The following GRIN3B variants were observed in gnomAD, a reference collection of about 807,000 sequenced individuals.
GRIN3B encodes the protein glutamate ionotropic receptor NMDA type subunit 3B, also known as glutamate receptor ionotropic, NMDA 3B.
A neutral mutation model predicts 66.0 loss-of-function variants in GRIN3B; 77 were observed. That is an observed-to-expected ratio of 1.17 (90% CI 0.97 to 1.41). The LOEUF (loss-of-function observed/expected upper bound fraction) is 1.41, where lower values mean the gene tolerates loss of function less well. GRIN3B is among the 40% of genes most tolerant of loss of function. The pLI, the probability that GRIN3B is intolerant of heterozygous loss-of-function variation, is 0.00. For synonymous variants in GRIN3B, 823 were observed against 749.7 expected (o/e 1.10, Z -1.60); for missense variants, 1,787 against 1,564.5 (o/e 1.14, Z -2.40).
chr19:1,009,035 C>T lies in GRIN3B; in HGVS notation c.2702+108C>T, dbSNP rs1189085866. On this transcript the variant is annotated intron_variant, in intron 8 of 8. Coordinates refer to ENST00000234389, the MANE Select transcript of GRIN3B (RefSeq NM_138690.3). ...GTGCAGGAGGTTCCCGGAGGTCCCC[C>T]GCCCACCCCCGGACGTGCACACCGT... 9 of 1,467,820 alleles carry T rather than the reference C, an allele frequency of 6.1e-6. No individual in the cohort carries two copies. In the East Asian group the frequency reaches 1.7e-4, roughly 28 times the overall value. 90.9% of individuals were successfully genotyped at this position (1,467,820 alleles called of 1,614,324 possible). A position where few individuals can be genotyped will look rare whatever the true frequency, so the allele number is the denominator to read the frequency against.
Position 1,004,507 on chromosome 19 carries a change from C to A in GRIN3B, c.1020-14C>A. The A allele has an allele frequency of 5.8e-6, 9 of 1,564,612 alleles. No homozygotes were observed. Among genetic ancestry groups the A allele is most frequent in the African/African-American group, 1.4e-5 (1 of 73,656 alleles). ...GAACTTCGACACCTGACACCCCCCC[C>A]GCCCTGCCCCTAGGTTCCTGGCCAA... On this transcript the variant is annotated splice_polypyrimidine_tract_variant and intron_variant, in intron 2 of 8. Coordinates refer to ENST00000234389, the MANE Select transcript of GRIN3B (RefSeq NM_138690.3).
chr19:1,000,901 G>A, intron 1 of GRIN3B, 38 bp downstream of exon 1: 2 of 1,349,454 alleles, frequency 1.5e-6, no homozygotes, highest in African/African-American at 1.5e-5. Context: ...AGGGGGACCC[G>A]GGGCGGGAGC....
rs933456556 is a variant in GRIN3B at position 1,005,799 on chromosome 19, G to C, written c.2052+246G>C. 6.6e-6 allele frequency among the ~76,000 whole-genome samples: 1 copy of C among 152,034 alleles called. No homozygotes were observed. The highest frequency in any genetic ancestry group is 2.4e-5 in the African/African-American group (1 of 41,414). On this transcript the variant is annotated intron_variant, in intron 3 of 8. Transcript: ENST00000234389. The surrounding 1 kb of genome is among the most constrained non-coding windows in gnomAD (Gnocchi z 5.2). ...CAGATCACCTGAAGTCAGGAGTCTCGAACTGGAGCCTGGCCAACATGGTGA... is the reference window on the plus strand; with the variant it reads ...CAGATCACCTGAAGTCAGGAGTCTCCAACTGGAGCCTGGCCAACATGGTGA...
At chr19:1,001,656 C>T (rs552310680) in intron 1 of GRIN3B, among the ~76,000 whole-genome samples, 1 of 151,950 alleles carries the variant, frequency 6.6e-6, no homozygotes, top group Non-Finnish European at 1.5e-5. Context: ...CCCCAGCTGC[C>T]CCTCCTTCCC....
chr19:1,004,932 C>G lies in GRIN3B; in HGVS notation c.1431C>G (p.Tyr477Ter). The G allele has an allele frequency of 6.2e-7, 1 of 1,612,130 alleles. No homozygotes were observed. The highest frequency in any genetic ancestry group is 8.5e-7 in the Non-Finnish European group (1 of 1,179,546). The change falls in exon 3 of 9, where the codon TAC (tyrosine) becomes TAG (stop). Residue 477 changes from tyrosine (Y) to a stop codon, truncating the protein, a stop_gained. Coordinates refer to ENST00000234389, the MANE Select transcript of GRIN3B (RefSeq NM_138690.3). LOFTEE classifies it high-confidence loss of function. ...SAPRALRKCC[Y>*]GYCIDLLERL... ...CCCGTGCCCTGCGCAAGTGCTGCTA[C>G]GGCTACTGCATTGACCTGCTGGAGC...
chr19:1,005,585 T>G lies in GRIN3B; in HGVS notation c.2052+32T>G, dbSNP rs775448846. ...GGCCTCGGGGGGCTGCGGGTGGCCTTGGGGGGCTAGCGGTGGCCCCGGGCT... is the reference window on the plus strand; with the variant it reads ...GGCCTCGGGGGGCTGCGGGTGGCCTGGGGGGGCTAGCGGTGGCCCCGGGCT... On this transcript the variant is annotated intron_variant, in intron 3 of 8. Coordinates refer to ENST00000234389, the MANE Select transcript of GRIN3B (RefSeq NM_138690.3). This position sits in a 1 kb window ranked among gnomAD's most constrained non-coding sequence, Gnocchi z 5.2. 34 of 1,510,480 alleles carry G rather than the reference T, an allele frequency of 2.3e-5. No homozygotes were observed. The African/African-American group carries it at 4.4e-4, about 20-fold the overall frequency. 93.6% of individuals were successfully genotyped at this position (1,510,480 alleles called of 1,614,324 possible).
Position 1,009,683 on chromosome 19 carries a change from A to T in GRIN3B, c.*81A>T, listed in dbSNP as rs2038830164. On this transcript the variant is annotated 3_prime_UTR_variant, in exon 9 of 9. Transcript: ENST00000234389. ...TCAACAGACAGTTTATTCTATATAC[A>T]AACACAATTTTGTACACTGCAATTA... 4.3e-6 allele frequency: 5 copies of T among 1,160,260 alleles called. 1 individual carries two copies. The South Asian group carries it at 1.0e-4, about 24-fold the overall frequency. 71.9% of individuals were successfully genotyped at this position (1,160,260 alleles called of 1,614,324 possible). A position where few individuals can be genotyped will look rare whatever the true frequency, so the allele number is the denominator to read the frequency against.
Position 1,003,704 on chromosome 19 carries a change from C to A in GRIN3B, c.1001C>A (p.Pro334Gln). 2.9e-6 allele frequency: 4 copies of A among 1,402,948 alleles called. No individual in the cohort carries two copies. In the South Asian group the frequency reaches 4.6e-5, roughly 16 times the overall value. The allele number at this position is 1,402,948 out of a possible 1,614,324, so 86.9% of individuals were successfully genotyped here. A position where few individuals can be genotyped will look rare whatever the true frequency, so the allele number is the denominator to read the frequency against. Residue 334 changes from proline to glutamine, a missense_variant, in exon 2 of 9, where the codon CCG becomes CAG. Transcript: ENST00000234389. ...CTGCAGCCGGCCGGGCCCGAGTCCC[C>A]GGGGCGCTTCTTGGCACGGTGAGTG... The part of the protein sequence containing the change: ...GDLQPAGPES[P>Q]GRFLARFLAN...
In GRIN3B at chr19:1,007,174, TC is replaced by T. The variant is rs1424835374; in HGVS notation, c.2053-453del. Among the ~76,000 whole-genome samples the T allele has an allele frequency of 6.6e-6, 1 of 152,058 alleles. No homozygotes were observed. Among genetic ancestry groups the T allele is most frequent in the East Asian group, 1.9e-4 (1 of 5,192 alleles). On this transcript the variant is annotated intron_variant, in intron 3 of 8. Transcript: ENST00000234389. This position sits in a 1 kb window ranked among gnomAD's most constrained non-coding sequence, Gnocchi z 4.4. ...TTGCAGGTGGCGCCCCCCAGGGTTT[TC>T]GGGAGAAACAGGGTGTCAGAGGCAG...
At chr19:1,002,733 G>A (rs564086567) in intron 1 of GRIN3B, 263 of 172,880 alleles carry the variant, frequency 1.5e-3, no homozygotes, top group African/African-American at 6.0e-3. Flanking sequence ...GGCTGGAGGC[G>A]TTCCAAGCTG....
chr19:1,008,389 C>A, intron 6 of GRIN3B, 98 bp downstream of exon 6: 2 of 1,208,896 alleles, frequency 1.7e-6, no homozygotes, highest in Non-Finnish European at 2.3e-6. Flanking sequence ...ATTCCCCAGA[C>A]GTGCGTTTGT....
Position 1,007,537 on chromosome 19 carries a change from C to G in GRIN3B, c.2053-91C>G. 1 of 1,332,230 alleles carries G rather than the reference C, an allele frequency of 7.5e-7. No homozygotes were observed. The highest frequency in any genetic ancestry group is 9.6e-7 in the Non-Finnish European group (1 of 1,039,944). 82.5% of individuals were successfully genotyped at this position (1,332,230 alleles called of 1,614,324 possible). A position where few individuals can be genotyped will look rare whatever the true frequency, so the allele number is the denominator to read the frequency against. On this transcript the variant is annotated intron_variant, in intron 3 of 8. Coordinates refer to ENST00000234389, the MANE Select transcript of GRIN3B (RefSeq NM_138690.3). The surrounding 1 kb of genome is among the most constrained non-coding windows in gnomAD (Gnocchi z 4.4). ...TGCAGCCTCGGCGCCCTGCAGTGCC[C>G]AGGACGGCCCCACCCCGGAGAACGG...
intron 5 of GRIN3B, 78 bp downstream of exon 5, chr19:1,008,049 C>T (rs2038777198): frequency 3.2e-6 from 5 of 1,578,058 alleles, no homozygotes; most frequent in East Asian, 4.6e-5. Flanking sequence ...ACGGAGGGTT[C>T]GAGGTGGGAA....
chr19:1,003,824 C>T (rs148285135), intron 2 of GRIN3B, 102 bp downstream of exon 2: 10,593 of 900,764 alleles, frequency 0.012, 87 homozygotes, highest in Non-Finnish European at 0.014. Context: ...CGGTGGCTCA[C>T]GCCTGTAATC....
Position 1,008,073 on chromosome 19 carries a change from A to G in GRIN3B, c.2315-67A>G. On this transcript the variant is annotated intron_variant, in intron 5 of 8. Transcript: ENST00000234389. ...TCGAGGTGGGAAGGGGCGAAATCCC[A>G]CGTGTGCGGGCAGAGTTCCCCTGGG... 10 of 1,565,534 alleles carry G rather than the reference A, an allele frequency of 6.4e-6. No individual in the cohort carries two copies. The South Asian group carries it at 1.1e-4, about 18-fold the overall frequency.
chr19:1,009,067 C>G, intron 8 of GRIN3B, 106 bp from the exon 9 acceptor site: 1 of 1,446,882 alleles, frequency 6.9e-7, no homozygotes, highest in Non-Finnish European at 9.2e-7. Flanking sequence ...CCGTGGCTCC[C>G]TGGTTGTGCC....
At position 1,004,881 on chromosome 19, in the gene GRIN3B, C is replaced by T. The variant is rs76859376; in HGVS notation, c.1380C>T (p.Phe460=). 46 of 1,606,166 alleles carry T rather than the reference C, an allele frequency of 2.9e-5. 1 individual carries two copies. The East Asian group carries it at 4.0e-4, about 14-fold the overall frequency. Residue 460 remains phenylalanine, a synonymous_variant, in exon 3 of 9, where the codon TTC becomes TTT. Coordinates refer to ENST00000234389, the MANE Select transcript of GRIN3B (RefSeq NM_138690.3). ...ACTCGGCCACCCTGGACGCACTGTT[C>T]GCCGCGCTGGCCAACGGCTCAGCGC... ...TNDSATLDAL[F]AALANGSAPR... is the part of the protein sequence containing the mutation.
At chr19:1,000,926 TG>T in intron 1 of GRIN3B, 63 bp downstream of exon 1, 1 of 1,323,470 alleles carries the variant, frequency 7.6e-7, no homozygotes, top group Non-Finnish European at 9.6e-7. Flanking sequence ...TCGGGAGCCC[TG>T]GGGACGTCCG....
At position 1,008,791 on chromosome 19, in the gene GRIN3B, C is replaced by G. The variant is rs1054163834; in HGVS notation, c.2631+9C>G. On this transcript the variant is annotated intron_variant, in intron 7 of 8. Coordinates refer to ENST00000234389, the MANE Select transcript of GRIN3B (RefSeq NM_138690.3). ...GGCTGCACACCAGCCAGGTGGGGAG[C>G]GGGTGGGCGGCGGGCGGCCCCACCC... The G allele has an allele frequency of 1.9e-6, 3 of 1,589,950 alleles. No homozygotes were observed. Among genetic ancestry groups the G allele is most frequent in the Non-Finnish European group, 2.6e-6 (3 of 1,172,136 alleles).
Sources: gnomAD v4.1 joint callset for allele counts (sites outside exome capture counted in the v4.1 genomes callset) on GRCh38, gnomAD v4.1.1 for gene constraint, Gnocchi (gnomAD v3.1) non-coding constraint, MANE v1.5 for transcripts, NCBI Gene and HGNC (gene_info 2026-07-23, HGNC 2026-07-21) for gene names.